Variants in FOXN2 observed in about 807,000 individuals in gnomAD.
FOXN2 encodes the protein forkhead box N2, also known as forkhead box protein N2.
In FOXN2, 19 loss-of-function variants were observed where a neutral mutation model predicts 41.2. The observed-to-expected ratio is 0.46, with a 90% CI of 0.32 to 0.68. The LOEUF (loss-of-function observed/expected upper bound fraction) is 0.68. Among genes scored for constraint, FOXN2 ranks in the 30% least tolerant of loss-of-function variants. The pLI is 0.03. For missense variants in FOXN2, 587 were observed against 509.4 expected, an observed-to-expected ratio of 1.15 and a Z score of -1.47; for synonymous variants, 195 against 176.8, an observed-to-expected ratio of 1.10 and a Z score of -0.82.
intron 1 of FOXN2, among the ~76,000 whole-genome samples, chr2:48,316,508 C>T (rs1221041875): frequency 6.6e-6 from 1 of 151,784 alleles, no homozygotes; most frequent in Non-Finnish European, 1.5e-5. Context: ...ATAAAATTAC[C>T]AGTGAAAATA....
chr2:48,353,502 G>T (rs570062584), intron 3 of FOXN2, among the ~76,000 whole-genome samples: 1 of 150,950 alleles, frequency 6.6e-6, no homozygotes, highest in East Asian at 2.0e-4. Context: ...CACTAGGGAA[G>T]ATATGAGAGC....
At chr2:48,338,685 C>T (rs1670533895) in intron 2 of FOXN2, among the ~76,000 whole-genome samples, 2 of 152,134 alleles carry the variant, frequency 1.3e-5, no homozygotes, top group Admixed American at 1.3e-4. Context: ...AGGCATGAGC[C>T]ACCGCGCCTG....
At position 48,359,091 on chromosome 2, in the gene FOXN2, A is replaced by C. The variant is rs774063794; in HGVS notation, c.582A>C (p.Lys194Asn). Residue 194 changes from lysine (K) to asparagine (N), a missense_variant, in exon 4 of 7, where the codon AAA becomes AAC. Coordinates refer to ENST00000340553, the MANE Select transcript of FOXN2 (RefSeq NM_002158.4). The stretch of plus-strand genomic sequence containing the variant: ...TATGGTGTGTTGATCCGGAATATAA[A>C]CCCAATCTTATCCAGGCACTGAAGA... ...GSLWCVDPEY[K>N]PNLIQALKKQ... 6.2e-7 allele frequency: 1 copy of C among 1,613,582 alleles called. No individual in the cohort carries two copies. Among genetic ancestry groups the C allele is most frequent in the South Asian group, 1.1e-5 (1 of 91,066 alleles).
intron 1 of FOXN2, among the ~76,000 whole-genome samples, chr2:48,324,011 A>C (rs946082420): frequency 6.6e-6 from 1 of 152,148 alleles, no homozygotes; most frequent in Non-Finnish European, 1.5e-5. Context: ...CTACTTTGAA[A>C]TACTGTTCAG....
Position 48,359,005 on chromosome 2 carries a change from A to G in FOXN2, c.538-42A>G, listed in dbSNP as rs542897542. 4 of 1,415,864 alleles carry G rather than the reference A, an allele frequency of 2.8e-6. No homozygotes were observed. In the East Asian group the frequency reaches 9.2e-5, roughly 32 times the overall value. 87.7% of individuals were successfully genotyped at this position (1,415,864 alleles called of 1,614,324 possible). A position where few individuals can be genotyped will look rare whatever the true frequency, so the allele number is the denominator to read the frequency against. On this transcript the variant is annotated intron_variant, in intron 3 of 6. Transcript: ENST00000340553. ...TAAAACATTTAGACGCTGACTGTTT[A>G]TGTATAAAAGTTCCTAGTTATTCTT...
intron 1 of FOXN2, 86 bp downstream of exon 1, chr2:48,314,900 G>T (rs960484597): frequency 5.9e-5 from 9 of 151,862 alleles, no homozygotes; most frequent in African/African-American, 1.7e-4. Flanking sequence ...GAGGCAGCGC[G>T]AGCGACCCGC....
At chr2:48,340,266 T>C (rs1001754950) in intron 2 of FOXN2, among the ~76,000 whole-genome samples, 2 of 152,210 alleles carry the variant, frequency 1.3e-5, no homozygotes, top group African/African-American at 4.8e-5. Context: ...ATGTTTTAGG[T>C]AATGCTGAAA....
rs1019361333 is a variant in FOXN2, at chr2:48,375,403, G to A, written c.1256G>A (p.Ser419Asn). The change falls in exon 7 of 7, where the codon AGT (serine) becomes AAT (asparagine). Residue 419 changes from serine to asparagine, a missense_variant. By Grantham distance (46) the Ser-to-Asn change is conservative. Transcript: ENST00000340553. ...CGTACATGTTTAGGTTCCCTAATAA[G>A]TACTGCAAAGACACAAAATCAAAAG... is the stretch of plus-strand genomic sequence containing the variant. Reference protein sequence around the residue: ...GIRTCLGSLISTAKTQNQKQR... With the variant: ...GIRTCLGSLINTAKTQNQKQR... 1 of 1,611,344 alleles carries A rather than the reference G, an allele frequency of 6.2e-7. No individual in the cohort carries two copies. The highest frequency in any genetic ancestry group is 1.7e-5 in the Admixed American group (1 of 59,542).
At chr2:48,315,677 A>C (rs1026923369) in intron 1 of FOXN2, among the ~76,000 whole-genome samples, 4 of 152,158 alleles carry the variant, frequency 2.6e-5, no homozygotes, top group East Asian at 1.9e-4. Flanking sequence ...AGCGGAAAGC[A>C]GCCCATGTGC....
intron 5 of FOXN2, among the ~76,000 whole-genome samples, chr2:48,365,972 TA>T (rs1672503153): frequency 6.6e-6 from 1 of 152,206 alleles, no homozygotes; most frequent in Non-Finnish European, 1.5e-5. Flanking sequence ...TCATTACAAC[TA>T]ATACTGTTGA....
chr2:48,374,010 A>G (rs1419228392), intron 6 of FOXN2, among the ~76,000 whole-genome samples: 2 of 149,966 alleles, frequency 1.3e-5, no homozygotes, highest in Non-Finnish European at 2.9e-5. Context: ...AGCCATGAGC[A>G]CTGCAGTGAG....
intron 1 of FOXN2, among the ~76,000 whole-genome samples, chr2:48,317,595 C>CCTTTTTTTTTTTTTTTTTTTTT (rs1669006573): frequency 1.2e-4 from 4 of 34,712 alleles, no homozygotes; most frequent in African/African-American, 3.5e-4. Context: ...TATAGTATTG[C>CCTTTTTTTTTTTTTTTTTTTTT]TTTTTTTTTT....
At chr2:48,370,875 A>G (rs2104524135) in intron 5 of FOXN2, among the ~76,000 whole-genome samples, 1 of 152,216 alleles carries the variant, frequency 6.6e-6, no homozygotes, top group East Asian at 1.9e-4. Flanking sequence ...TTCCCAGACC[A>G]ATGTCCTGAA....
intron 5 of FOXN2, among the ~76,000 whole-genome samples, chr2:48,371,928 T>G (rs566023937): frequency 6.6e-6 from 1 of 152,312 alleles, no homozygotes; most frequent in East Asian, 1.9e-4. Context: ...AAGAGTTTTT[T>G]GGTAGAATCT....
intron 2 of FOXN2, among the ~76,000 whole-genome samples, chr2:48,337,584 G>A (rs1670450558): frequency 6.6e-6 from 1 of 152,068 alleles, no homozygotes; most frequent in African/African-American, 2.4e-5. Context: ...GGGATTACAG[G>A]TGTGAGCCAC....
chr2:48,329,615 A>G (rs1233162777), intron 2 of FOXN2, among the ~76,000 whole-genome samples: 1 of 152,172 alleles, frequency 6.6e-6, no homozygotes, highest in African/African-American at 2.4e-5. Context: ...TTTTATCCCT[A>G]AGAGACCATA....
chr2:48,378,790 C>T lies in FOXN2; in HGVS notation c.*3347C>T, dbSNP rs1216442602. ...AAAAATATTTATTGAAAGGTGAATT[C>T]GAGTATTTTAATGTTATACCTGCCA... On this transcript the variant is annotated 3_prime_UTR_variant, in exon 7 of 7. Coordinates refer to ENST00000340553, the MANE Select transcript of FOXN2 (RefSeq NM_002158.4). 6.6e-6 allele frequency: 1 copy of T among 150,986 alleles called. No individual in the cohort carries two copies. The highest frequency in any genetic ancestry group is 6.6e-5 in the Admixed American group (1 of 15,120). The allele number at this position is 150,986 out of a possible 1,614,324, so 9.4% of individuals were successfully genotyped here. A position where few individuals can be genotyped will look rare whatever the true frequency, so the allele number is the denominator to read the frequency against.
intron 1 of FOXN2, among the ~76,000 whole-genome samples, chr2:48,326,315 A>G (rs551547663): frequency 6.6e-6 from 1 of 152,202 alleles, no homozygotes; most frequent in African/African-American, 2.4e-5. Flanking sequence ...GAACAAGGGA[A>G]AGAGTGGCAA....
intron 1 of FOXN2, among the ~76,000 whole-genome samples, chr2:48,315,955 A>C (rs1313309823): frequency 6.6e-6 from 1 of 152,138 alleles, no homozygotes; most frequent in Non-Finnish European, 1.5e-5. Flanking sequence ...AGGTGAGGGG[A>C]GGAGGGCAGT....
Sources: allele counts gnomAD v4.1 joint callset (sites outside exome capture counted in the v4.1 genomes callset), GRCh38; gene constraint gnomAD v4.1.1; transcripts MANE v1.5; gene names NCBI Gene and HGNC (gene_info 2026-07-23, HGNC 2026-07-21).